Variants in PGR observed in about 807,000 individuals in gnomAD.
The protein encoded by PGR is nuclear receptor subfamily 3 group C member 3.
PGR carries 25 observed loss-of-function variants against 76.1 expected under a neutral mutation model. The ratio of observed to expected loss-of-function variants is 0.33; its 90% CI spans 0.24 to 0.46. The LOEUF (loss-of-function observed/expected upper bound fraction) is 0.46. PGR is among the 20% of genes least tolerant of loss of function. The probability of loss-of-function intolerance (pLI) is 1.00; values close to 1 mark genes in which losing one functional copy is unlikely to be tolerated. For synonymous variants in PGR, 579 were observed against 535.0 expected, an observed-to-expected ratio of 1.08 and a Z score of -1.14; for missense variants, 1,172 against 1,225.3, an observed-to-expected ratio of 0.96 and a Z score of 0.65.
chr11:101,044,700 CTTTT>C lies in PGR; in HGVS notation c.2489-2602_2489-2599del, dbSNP rs34361620. Among the ~76,000 whole-genome samples the C allele has an allele frequency of 1.1e-3, 84 of 75,892 alleles. 1 individual carries two copies. The highest frequency in any genetic ancestry group is 3.6e-3 in the African/African-American group (76 of 21,398). 49.8% of individuals were successfully genotyped at this position (75,892 alleles called of 152,430 possible). On this transcript the variant is annotated intron_variant, in intron 6 of 7. Coordinates refer to ENST00000325455, the MANE Select transcript of PGR (RefSeq NM_000926.4). ...CCAAGATTGTTAGTTGGCCTAATTG[CTTTT>C]TTTTTTTTTTTTTTTTTTTTGACAC...
At chr11:101,098,056 G>T (rs752836074) in intron 2 of PGR, among the ~76,000 whole-genome samples, 4 of 152,130 alleles carry the variant, frequency 2.6e-5, no homozygotes, top group South Asian at 4.1e-4. Context: ...GATTACAGGC[G>T]TGAGCCACCG....
In PGR at chr11:101,074,878, C is replaced by G. The variant is rs1861068328; in HGVS notation, c.1907-12126G>C. Among the ~76,000 whole-genome samples the G allele has an allele frequency of 2.0e-5, 3 of 152,142 alleles. No individual in the cohort carries two copies. The South Asian group carries it at 6.2e-4, about 32-fold the overall frequency. ...GCTCATGGATCAGAAGAATCAATAT[C>G]ATGAAAATGGCCATACTGACCAAAG... On this transcript the variant is annotated intron_variant, in intron 3 of 7. Coordinates refer to ENST00000325455, the MANE Select transcript of PGR (RefSeq NM_000926.4).
Position 101,127,891 on chromosome 11 carries a change from C to T in PGR, c.1180G>A (p.Ala394Thr). The T allele has an allele frequency of 6.2e-7, 1 of 1,606,524 alleles. No homozygotes were observed. The highest frequency in any genetic ancestry group is 8.5e-7 in the Non-Finnish European group (1 of 1,178,790). The part of the protein sequence containing the change: ...ALKIKEEEEG[A>T]EASARSPRSY... ...CGCGGGGAGCGCGCGGAGGCCTCCGCGCCTTCCTCCTCCTCCTTTATCTTT... is the reference window on the plus strand; with the variant it reads ...CGCGGGGAGCGCGCGGAGGCCTCCGTGCCTTCCTCCTCCTCCTTTATCTTT... The change falls in exon 1 of 8, where the codon GCG becomes ACG. Residue 394 changes from alanine (A) to threonine (T), a missense_variant. Ala to Thr is a moderately conservative substitution (Grantham distance 58). Transcript: ENST00000325455.
At chr11:101,071,140 C>T (rs1860920437) in intron 3 of PGR, among the ~76,000 whole-genome samples, 1 of 152,156 alleles carries the variant, frequency 6.6e-6, no homozygotes, top group African/African-American at 2.4e-5. Context: ...AGGCAGCAAT[C>T]TTTGCTGTAC....
At chr11:101,090,160 T>C (rs1208388493) in intron 3 of PGR, among the ~76,000 whole-genome samples, 1 of 152,050 alleles carries the variant, frequency 6.6e-6, no homozygotes, top group Non-Finnish European at 1.5e-5. Flanking sequence ...ATTGCACCAT[T>C]GCACTCCAGC....
chr11:101,062,985 T>A (rs561109587), intron 3 of PGR: 1 of 412,800 alleles, frequency 2.4e-6, no homozygotes, highest in East Asian at 4.6e-5. Context: ...ATTAGTTACA[T>A]CAACAATCAC....
intron 2 of PGR, among the ~76,000 whole-genome samples, chr11:101,109,955 T>C (rs1016122307): frequency 2.0e-5 from 3 of 152,276 alleles, no homozygotes; most frequent in South Asian, 4.1e-4. Context: ...CCCTTAAGAA[T>C]TATGCTAAAT....
chr11:101,065,367 TTTG>T (rs1860676848), intron 3 of PGR, among the ~76,000 whole-genome samples: 1 of 152,162 alleles, frequency 6.6e-6, no homozygotes, highest in Admixed American at 6.6e-5. Context: ...TAAAAACCAC[TTTG>T]TTGTTTTTTT....
At position 101,062,733 on chromosome 11, in the gene PGR, G is replaced by T; in HGVS notation, c.1926C>A (p.Phe642Leu). ...MVLGGRKFKK[F>L]NKVRVVRALD... is the part of the protein sequence containing the mutation. The stretch of plus-strand genomic sequence containing the variant: ...GTGCTCTCACAACTCTGACTTTATT[G>T]AACTTTTTAAATTTTCGACCTACAG... Residue 642 changes from phenylalanine (F) to leucine (L), a missense_variant, in exon 4 of 8, where the codon TTC becomes TTA. Physicochemically the swap from Phe to Leu is conservative, Grantham distance 22. This residue lies in a region of PGR where 73 missense variants were observed against 60.7 expected (regional missense o/e 1.20). Coordinates refer to ENST00000325455, the MANE Select transcript of PGR (RefSeq NM_000926.4). 1 of 1,611,004 alleles carries T rather than the reference G, an allele frequency of 6.2e-7. No individual in the cohort carries two copies. Among genetic ancestry groups the T allele is most frequent in the South Asian group, 1.1e-5 (1 of 90,486 alleles).
intron 2 of PGR, among the ~76,000 whole-genome samples, chr11:101,107,415 G>A (rs981428775): frequency 3.9e-5 from 6 of 151,996 alleles, no homozygotes; most frequent in Non-Finnish European, 5.9e-5. Context: ...CTTATAAAAC[G>A]TGAAATTGTA....
chr11:101,086,426 C>T (rs2135448793), intron 3 of PGR, among the ~76,000 whole-genome samples: 1 of 152,058 alleles, frequency 6.6e-6, no homozygotes, highest in East Asian at 1.9e-4. Flanking sequence ...AACTAGGCAA[C>T]AAAGAAATAT....
At chr11:101,088,776 A>T (rs1861579919) in intron 3 of PGR, among the ~76,000 whole-genome samples, 1 of 152,228 alleles carries the variant, frequency 6.6e-6, no homozygotes, top group South Asian at 2.1e-4. Context: ...AAGACATGGA[A>T]TTAACTGAGG....
At chr11:101,090,661 T>A (rs1861649002) in intron 3 of PGR, among the ~76,000 whole-genome samples, 1 of 152,252 alleles carries the variant, frequency 6.6e-6, no homozygotes, top group South Asian at 2.1e-4. Flanking sequence ...AATAGAAAGT[T>A]ACTGAGCACC....
intron 3 of PGR, among the ~76,000 whole-genome samples, chr11:101,068,188 T>G (rs767648730): frequency 2.6e-5 from 4 of 152,086 alleles, no homozygotes; most frequent in Non-Finnish European, 5.9e-5. Context: ...GGATACAAAA[T>G]CAATGTGCAA....
At chr11:101,063,329 T>C (rs1222450175) in intron 3 of PGR, 1 of 152,410 alleles carries the variant, frequency 6.6e-6, no homozygotes, top group Non-Finnish European at 1.5e-5. Flanking sequence ...TTTTATGAGA[T>C]CTAAGACTCA....
chr11:101,124,112 G>A (rs1862765196), intron 2 of PGR, among the ~76,000 whole-genome samples: 3 of 152,280 alleles, frequency 2.0e-5, no homozygotes, highest in Middle Eastern at 3.4e-3. Context: ...TTTCATGAAT[G>A]ATTTATCTGC....
rs974088471 is a variant in PGR at position 101,038,031 on chromosome 11, T to C, written c.*1085A>G. On this transcript the variant is annotated 3_prime_UTR_variant, in exon 8 of 8. Transcript: ENST00000325455. ...ATGACATTTGGCTGAGTCTCGAAGG[T>C]TGAAACATGCATGGAATTTGTGTCA... 4.8e-6 allele frequency: 1 copy of C among 207,114 alleles called. No individual in the cohort carries two copies. The highest frequency in any genetic ancestry group is 2.3e-5 in the African/African-American group (1 of 43,830). 12.8% of individuals were successfully genotyped at this position (207,114 alleles called of 1,614,324 possible).
Position 101,127,445 on chromosome 11 carries a change from G to C in PGR, c.1626C>G (p.Leu542=), listed in dbSNP as rs781712664. 2.6e-6 allele frequency: 4 copies of C among 1,555,916 alleles called. No individual in the cohort carries two copies. In the African/African-American group the frequency reaches 5.6e-5, roughly 22 times the overall value. The change falls in exon 1 of 8, where the codon CTC becomes CTG. Residue 542 remains leucine, a synonymous_variant. Transcript: ENST00000325455. ...TCCCGGGCCCTCACCTCAGGTAGTT[G>C]AGATAGGGCGGGTAGACCTGCGGCA... The part of the protein sequence containing the change: ...EGLPQVYPPY[L]NYLRPDSEAS...
intron 6 of PGR, among the ~76,000 whole-genome samples, chr11:101,044,580 C>G (rs1010232164): frequency 1.3e-5 from 2 of 152,040 alleles, no homozygotes; most frequent in Admixed American, 1.3e-4. Context: ...AGTTTTCAAC[C>G]TATATCAACT....
Sources: gnomAD v4.1 joint callset for allele counts (sites outside exome capture counted in the v4.1 genomes callset) on GRCh38, gnomAD v4.1.1 for gene constraint, gnomAD v4.1.1 regional missense constraint, MANE v1.5 for transcripts, NCBI Gene and HGNC (gene_info 2026-07-23, HGNC 2026-07-21) for gene names.